Variants in NID1 observed in about 807,000 individuals in gnomAD.
The protein encoded by NID1 is nidogen-1.
Under a neutral mutation model 130.6 loss-of-function variants are expected in NID1, and 76 were observed. The observed-to-expected ratio is 0.58, with a 90% CI of 0.48 to 0.70. NID1 has a LOEUF of 0.70. Among genes scored for constraint, NID1 ranks in the 30% least tolerant of loss-of-function variants. The pLI is 0.00. For synonymous variants in NID1, 665 were observed against 675.1 expected (o/e 0.98, Z 0.23); for missense variants, 1,517 against 1,664.8 (o/e 0.91, Z 1.54).
Position 236,045,558 on chromosome 1 carries a change from G to T in NID1, c.651C>A (p.Ala217=). 1 of 1,614,092 alleles carries T rather than the reference G, an allele frequency of 6.2e-7. No individual in the cohort carries two copies. Among genetic ancestry groups the T allele is most frequent in the Non-Finnish European group, 8.5e-7 (1 of 1,180,010 alleles). The change falls in exon 3 of 20, where the codon GCC becomes GCA. Residue 217 remains alanine (A), a synonymous_variant. Coordinates refer to ENST00000264187, the MANE Select transcript of NID1 (RefSeq NM_002508.3). ...FSKKENNQVP[A]VVAFSQGSVG... The stretch of plus-strand genomic sequence containing the variant: ...CTGAACCTTGACTGAATGCAACCAC[G>T]GCAGGAACTTGGTTGTTTTCCTTCT...
At chr1:236,064,374 G>A (rs1660129487) in intron 1 of NID1, among the ~76,000 whole-genome samples, 1 of 152,250 alleles carries the variant, frequency 6.6e-6, no homozygotes, top group Admixed American at 6.5e-5. Context: ...CACAAATACA[G>A]GAGGCTGCCG....
At chr1:236,020,387 G>A (rs1164330641) in intron 9 of NID1, among the ~76,000 whole-genome samples, 3 of 152,124 alleles carry the variant, frequency 2.0e-5, no homozygotes, top group African/African-American at 7.2e-5. Context: ...GCTCTTAGAG[G>A]AGAAGAGTCT....
intron 1 of NID1, among the ~76,000 whole-genome samples, chr1:236,054,711 G>A (rs976346847): frequency 6.8e-6 from 1 of 148,062 alleles, no homozygotes; most frequent in Non-Finnish European, 1.5e-5. Context: ...GTGCAGTCTC[G>A]GCTCACTGCA....
intron 13 of NID1, among the ~76,000 whole-genome samples, chr1:235,993,391 C>T (rs904175900): frequency 6.7e-6 from 1 of 149,664 alleles, no homozygotes; most frequent in Non-Finnish European, 1.5e-5. Flanking sequence ...TATTTACACC[C>T]TACACGTGTG....
At position 236,064,864 on chromosome 1, in the gene NID1, G is replaced by C. The variant is rs142493269; in HGVS notation, c.216C>G (p.Asp72Glu). The change falls in exon 1 of 20, where the codon GAC (aspartate) becomes GAG (glutamate). Residue 72 changes from aspartate to glutamate, a missense_variant. Around this residue, in one of 3 missense-constraint regions of NID1, gnomAD observed 1,329 missense variants for 1,429.2 expected, o/e 0.93. Coordinates refer to ENST00000264187, the MANE Select transcript of NID1 (RefSeq NM_002508.3). ...CCCGGGGCTCACTCACGTAGACTGC[G>C]TCGATGTCGGATCTGTCGTAGAAGC... ...ALRFYDRSDI[D>E]AVYVTTNGII... 3.2e-4 allele frequency: 509 copies of C among 1,611,522 alleles called. 1 individual carries two copies. The African/African-American group carries it at 6.2e-3, about 20-fold the overall frequency.
At chr1:236,039,353 G>A (rs911247391) in intron 4 of NID1, among the ~76,000 whole-genome samples, 33 of 151,366 alleles carry the variant, frequency 2.2e-4, no homozygotes, top group Non-Finnish European at 3.1e-4. Flanking sequence ...AGCTGGGACT[G>A]CAGGCGGGTG....
chr1:236,014,574 C>T (rs749167), intron 10 of NID1, among the ~76,000 whole-genome samples: 12,887 of 152,224 alleles, frequency 0.085, 1,193 homozygotes, highest in East Asian at 0.42. Context: ...ACCTCCTCCT[C>T]AGCCCTCCTT....
chr1:236,035,909 C>T (rs1426071473), intron 5 of NID1, among the ~76,000 whole-genome samples: 1 of 152,076 alleles, frequency 6.6e-6, no homozygotes, highest in Non-Finnish European at 1.5e-5. Flanking sequence ...AGAAACCAAA[C>T]AAAAAATTTT....
chr1:236,063,617 T>G (rs899756317), intron 1 of NID1, among the ~76,000 whole-genome samples: 1 of 152,102 alleles, frequency 6.6e-6, no homozygotes, highest in Non-Finnish European at 1.5e-5. Flanking sequence ...TGGATTTTAT[T>G]TTATGCATTT....
At chr1:236,025,261 C>CTCTTTTTTT (rs1658890434) in intron 8 of NID1, among the ~76,000 whole-genome samples, 1 of 124,914 alleles carries the variant, frequency 8.0e-6, no homozygotes, top group Non-Finnish European at 1.6e-5. Context: ...CCTACAATTT[C>CTCTTTTTTT]TCTTTTTTTT....
intron 9 of NID1, among the ~76,000 whole-genome samples, chr1:236,023,618 T>C (rs138754442): frequency 2.7e-5 from 4 of 147,588 alleles, no homozygotes; most frequent in African/African-American, 7.7e-5. Flanking sequence ...TTTTATATTA[T>C]GTATATTTTA....
chr1:236,038,447 T>C (rs1270048760), intron 4 of NID1, among the ~76,000 whole-genome samples, 194 bp from the exon 5 acceptor site: 1 of 152,276 alleles, frequency 6.6e-6, no homozygotes, highest in East Asian at 1.9e-4. Context: ...CTGGGCAACA[T>C]GGTGAAACTC....
At position 236,064,894 on chromosome 1, in the gene NID1, C is replaced by G. The variant is rs140751993; in HGVS notation, c.186G>C (p.Ala62=). 5.6e-6 allele frequency: 9 copies of G among 1,612,294 alleles called. No individual in the cohort carries two copies. The highest frequency in any genetic ancestry group is 1.6e-4 in the Middle Eastern group (1 of 6,084). Residue 62 remains alanine, a synonymous_variant, in exon 1 of 20, where the codon GCG becomes GCC. Transcript: ENST00000264187. ...TGTCGGATCTGTCGTAGAAGCGGAG[C>G]GCCCCACTCAGCTCCAGGGCAGGAG... The part of the protein sequence containing the change: ...FVSPALELSG[A]LRFYDRSDID...
chr1:236,003,491 C>T (rs1440292868), intron 12 of NID1, among the ~76,000 whole-genome samples: 1 of 152,158 alleles, frequency 6.6e-6, no homozygotes, highest in Non-Finnish European at 1.5e-5. Context: ...ATGCAGAAAA[C>T]CCTGAGGTGT....
At chr1:236,026,836 T>C (rs760676856) in intron 7 of NID1, among the ~76,000 whole-genome samples, 1 of 151,832 alleles carries the variant, frequency 6.6e-6, no homozygotes, top group Non-Finnish European at 1.5e-5. Flanking sequence ...CCCCCTGGGT[T>C]CAAGCGATTC....
At chr1:236,031,742 G>T (rs1001987657) in intron 6 of NID1, among the ~76,000 whole-genome samples, 7 of 152,314 alleles carry the variant, frequency 4.6e-5, no homozygotes, top group South Asian at 4.1e-4. Context: ...GCATGCAAAG[G>T]TTGGGCTGGT....
Position 236,013,508 on chromosome 1 carries a change from G to A in NID1, c.2307C>T (p.Cys769=), listed in dbSNP as rs201977351. 9.0e-5 allele frequency: 146 copies of A among 1,613,526 alleles called. 1 individual carries two copies. Among genetic ancestry groups the A allele is most frequent in the East Asian group, 3.6e-4 (16 of 44,832 alleles). Residue 769 remains cysteine, a synonymous_variant, in exon 11 of 20, where the codon TGC becomes TGT. Coordinates refer to ENST00000264187, the MANE Select transcript of NID1 (RefSeq NM_002508.3). ...TACACTGGGCCCGCTGGGGTATGTC[G>A]CAGTTATGAAGGCCAGTTTCACAGT... ...INYCETGLHN[C]DIPQRAQCIY... is the part of the protein sequence containing the mutation.
chr1:236,021,683 A>G lies in NID1; in HGVS notation c.2128+2387T>C, dbSNP rs144910962. On this transcript the variant is annotated intron_variant, in intron 9 of 19. Coordinates refer to ENST00000264187, the MANE Select transcript of NID1 (RefSeq NM_002508.3). ...CATTTTCCTGGCCAACCATATGTGAACACACTATTCATCCCACCAGGGAAG... is the reference window on the plus strand; with the variant it reads ...CATTTTCCTGGCCAACCATATGTGAGCACACTATTCATCCCACCAGGGAAG... Among the ~76,000 whole-genome samples the G allele has an allele frequency of 1.5e-3, 226 of 152,244 alleles. 1 individual carries two copies. In the Middle Eastern group the frequency reaches 0.017, roughly 11 times the overall value.
At position 236,032,394 on chromosome 1, in the gene NID1, A is replaced by G. The variant is rs564944663; in HGVS notation, c.1537+7T>C. ...ACCCACTAATTTTAATGTCGGATAT[A>G]AATTACCGGTGATGCTGAACCCATT... On this transcript the variant is annotated splice_region_variant and intron_variant, in intron 6 of 19. Coordinates refer to ENST00000264187, the MANE Select transcript of NID1 (RefSeq NM_002508.3). 5.0e-6 allele frequency: 8 copies of G among 1,613,040 alleles called. No homozygotes were observed. Among genetic ancestry groups the G allele is most frequent in the East Asian group, 2.2e-5 (1 of 44,882 alleles).
Sources: allele counts gnomAD v4.1 joint callset (sites outside exome capture counted in the v4.1 genomes callset), GRCh38; gene constraint gnomAD v4.1.1; regional missense constraint gnomAD v4.1.1; transcripts MANE v1.5; gene names NCBI Gene and HGNC (gene_info 2026-07-23, HGNC 2026-07-21).